PRKAR2B: variants seen among roughly 807,000 people sequenced by gnomAD.
PRKAR2B encodes protein kinase cAMP-dependent type II regulatory subunit beta, also known as cAMP-dependent protein kinase type II-beta regulatory subunit.
Under a neutral mutation model 49.9 loss-of-function variants are expected in PRKAR2B, and 14 were observed. The ratio of observed to expected loss-of-function variants is 0.28; its 90% CI spans 0.19 to 0.44. The LOEUF is 0.44. Among genes scored for constraint, PRKAR2B ranks in the 20% least tolerant of loss-of-function variants. The probability of loss-of-function intolerance (pLI) is 1.00; values close to 1 mark genes in which losing one functional copy is unlikely to be tolerated. For synonymous variants in PRKAR2B, 196 were observed against 197.7 expected (o/e 0.99, Z 0.07); for missense variants, 393 against 537.9 (o/e 0.73, Z 2.67).
At chr7:107,142,763 TTTTG>T (rs1446544731) in intron 5 of PRKAR2B, among the ~76,000 whole-genome samples, 2 of 151,968 alleles carry the variant, frequency 1.3e-5, no homozygotes, top group East Asian at 1.9e-4. Context: ...GCCCAAGATT[TTTTG>T]TTTGTTTTTT....
chr7:107,053,525 AGTGTGTGTGTGTGTGTGTGTGT>A (rs56855022), intron 1 of PRKAR2B, among the ~76,000 whole-genome samples: 1 of 141,892 alleles, frequency 7.0e-6, no homozygotes, highest in African/African-American at 2.6e-5. Context: ...GATTATAAAG[AGTGTGTGTGTGTGTGTGTGTGT>A]GTGTGTGTGT....
intron 2 of PRKAR2B, among the ~76,000 whole-genome samples, chr7:107,110,674 G>A (rs1795155099): frequency 6.6e-6 from 1 of 151,988 alleles, no homozygotes; most frequent in Admixed American, 6.6e-5. Context: ...GGCCAGAAGG[G>A]AACCTACTGC....
At chr7:107,049,148 G>A (rs1793755651) in intron 1 of PRKAR2B, among the ~76,000 whole-genome samples, 1 of 152,158 alleles carries the variant, frequency 6.6e-6, no homozygotes, top group African/African-American at 2.4e-5. Flanking sequence ...GAGATCTTGT[G>A]TTGCCCCATA....
rs530435336 is a variant in PRKAR2B at position 107,106,783 on chromosome 7, C to T, written c.344-15169C>T. ...ACACTGGAGACCTGGCAGGACCCCC[C>T]TCAGAATCAAGGGACCGAGGGGGCT... is the stretch of plus-strand genomic sequence containing the variant. On this transcript the variant is annotated intron_variant, in intron 2 of 10. Transcript: ENST00000265717. 8.5e-5 allele frequency among the ~76,000 whole-genome samples: 13 copies of T among 152,090 alleles called. No individual in the cohort carries two copies. The East Asian group carries it at 2.1e-3, about 25-fold the overall frequency.
intron 6 of PRKAR2B, among the ~76,000 whole-genome samples, chr7:107,149,212 A>G (rs896685184): frequency 1.3e-5 from 2 of 152,140 alleles, no homozygotes; most frequent in Non-Finnish European, 2.9e-5. Context: ...AATAATTTCA[A>G]TATTTGTGCT....
At chr7:107,125,905 G>A (rs1439153412) in intron 3 of PRKAR2B, among the ~76,000 whole-genome samples, 1 of 151,854 alleles carries the variant, frequency 6.6e-6, no homozygotes, top group Non-Finnish European at 1.5e-5. Flanking sequence ...TGGCCAAGAT[G>A]GTGAAACCCT....
At chr7:107,126,298 G>C (rs564378570) in intron 3 of PRKAR2B, among the ~76,000 whole-genome samples, 2 of 149,180 alleles carry the variant, frequency 1.3e-5, no homozygotes. Flanking sequence ...GCAGGCACCT[G>C]TAGTCCCAGC....
intron 2 of PRKAR2B, among the ~76,000 whole-genome samples, chr7:107,079,710 G>A (rs1295856401): frequency 3.3e-5 from 5 of 151,860 alleles, no homozygotes; most frequent in African/African-American, 7.3e-5. Flanking sequence ...CCTTCCTTCC[G>A]ATACCGTTAC....
intron 1 of PRKAR2B, among the ~76,000 whole-genome samples, chr7:107,058,820 T>C (rs1236672574): frequency 2.6e-5 from 4 of 152,192 alleles, no homozygotes; most frequent in Non-Finnish European, 4.4e-5. Flanking sequence ...TATCGGAGCA[T>C]AGTGAGAGAT....
chr7:107,145,580 T>C (rs1390261284), intron 5 of PRKAR2B, among the ~76,000 whole-genome samples: 1 of 152,068 alleles, frequency 6.6e-6, no homozygotes, highest in Non-Finnish European at 1.5e-5. Flanking sequence ...TTTTCTTTCT[T>C]TTTTTAAGGT....
intron 2 of PRKAR2B, among the ~76,000 whole-genome samples, chr7:107,120,988 A>T (rs983704760): frequency 3.3e-5 from 5 of 150,708 alleles, no homozygotes; most frequent in East Asian, 1.9e-4. Context: ...ATAATTTAAA[A>T]TTTTTTTAAA....
At chr7:107,074,164 G>A (rs1410750353) in intron 2 of PRKAR2B, among the ~76,000 whole-genome samples, 2 of 152,050 alleles carry the variant, frequency 1.3e-5, no homozygotes, top group Non-Finnish European at 2.9e-5. Flanking sequence ...TGCCCAGGCT[G>A]GAGTGCAGTG....
At position 107,142,217 on chromosome 7, in the gene PRKAR2B, T is replaced by C. The variant is rs545025991; in HGVS notation, c.587+1264T>C. On this transcript the variant is annotated intron_variant, in intron 5 of 10. Transcript: ENST00000265717. ...AAGCCTCATTTCGTTATTTTGGCTC[T>C]GTGGGTGGTATCTTTCATGCGTCAG... Among the ~76,000 whole-genome samples, 34 of 152,286 alleles carry C rather than the reference T, an allele frequency of 2.2e-4. 1 individual carries two copies. In the South Asian group the frequency reaches 6.6e-3, roughly 30 times the overall value.
chr7:107,112,197 AAAAG>A (rs1406868760), intron 2 of PRKAR2B, among the ~76,000 whole-genome samples: 4 of 149,788 alleles, frequency 2.7e-5, no homozygotes, highest in Admixed American at 1.3e-4. Flanking sequence ...AAAAAAAAAA[AAAAG>A]AACCAAAAAC....
At chr7:107,105,791 T>A (rs904248760) in intron 2 of PRKAR2B, among the ~76,000 whole-genome samples, 2 of 152,186 alleles carry the variant, frequency 1.3e-5, no homozygotes, top group Admixed American at 1.3e-4. Flanking sequence ...TCAGGGGCTC[T>A]TGTCTGGGCA....
At chr7:107,102,445 A>G (rs1259257122) in intron 2 of PRKAR2B, among the ~76,000 whole-genome samples, 1 of 152,134 alleles carries the variant, frequency 6.6e-6, no homozygotes, top group African/African-American at 2.4e-5. Flanking sequence ...TGCCTGTGGG[A>G]TGGCCCTGCT....
chr7:107,091,820 CAT>C (rs1176078112), intron 2 of PRKAR2B: 1 of 152,120 alleles, frequency 6.6e-6, no homozygotes, highest in African/African-American at 2.4e-5. Context: ...ATTTTTGCCT[CAT>C]ATGTTGTTTA....
chr7:107,153,568 T>C (rs891007821), intron 8 of PRKAR2B, among the ~76,000 whole-genome samples: 51 of 152,212 alleles, frequency 3.4e-4, no homozygotes, highest in African/African-American at 1.2e-3. Context: ...GAAAGTACAC[T>C]GGAAAATTCT....
chr7:107,065,260 A>G (rs773037852), intron 1 of PRKAR2B, among the ~76,000 whole-genome samples: 2 of 151,830 alleles, frequency 1.3e-5, no homozygotes, highest in East Asian at 3.9e-4. Flanking sequence ...TAATTTAACT[A>G]ACACAGCTCC....
Sources: allele counts gnomAD v4.1 joint callset (sites outside exome capture counted in the v4.1 genomes callset), GRCh38; gene constraint gnomAD v4.1.1; transcripts MANE v1.5; gene names NCBI Gene and HGNC (gene_info 2026-07-23, HGNC 2026-07-21).